Variants in HCFC2 observed in about 807,000 individuals in gnomAD.
The protein encoded by HCFC2 is host cell factor C2, also known as host cell factor 2.
HCFC2 carries 18 observed loss-of-function variants against 89.2 expected under a neutral mutation model. That is an observed-to-expected ratio of 0.20 (90% CI 0.14 to 0.30). The LOEUF is 0.30. HCFC2 is among the 10% of genes least tolerant of loss of function. HCFC2 has a pLI of 1.00. For synonymous variants in HCFC2, 308 were observed against 335.7 expected (o/e 0.92, Z 0.90); for missense variants, 578 against 956.1 (o/e 0.60, Z 5.21).
intron 11 of HCFC2, 59 bp from the exon 12 acceptor site, chr12:104,096,301 T>C: frequency 8.7e-7 from 1 of 1,143,804 alleles, no homozygotes; most frequent in South Asian, 1.7e-5. Context: ...TTAAAAATTA[T>C]ATTTTAATGT....
chr12:104,089,569 C>T (rs1187555166), intron 9 of HCFC2, among the ~76,000 whole-genome samples: 1 of 152,152 alleles, frequency 6.6e-6, no homozygotes, highest in African/African-American at 2.4e-5. Context: ...AGTTCAAACT[C>T]ATGTTGTTGA....
At chr12:104,087,381 A>G (rs1883885243) in intron 8 of HCFC2, among the ~76,000 whole-genome samples, 1 of 148,038 alleles carries the variant, frequency 6.8e-6, no homozygotes, top group Non-Finnish European at 1.5e-5. Flanking sequence ...TCACACACAC[A>G]CGCACACAAG....
At chr12:104,093,327 C>T in intron 9 of HCFC2, 59 bp from the exon 10 acceptor site, 1 of 1,175,096 alleles carries the variant, frequency 8.5e-7, no homozygotes, top group Non-Finnish European at 1.2e-6. Flanking sequence ...TTGTTTTTTA[C>T]ATGTATTTGT....
intron 3 of HCFC2, among the ~76,000 whole-genome samples, chr12:104,073,507 G>A (rs1281051122): frequency 2.0e-5 from 3 of 152,028 alleles, no homozygotes; most frequent in Non-Finnish European, 4.4e-5. Flanking sequence ...GTTTCATCAT[G>A]TTTGACAATA....
Position 104,082,858 on chromosome 12 carries a change from G to T in HCFC2, c.1020G>T (p.Leu340=). 1 of 1,611,212 alleles carries T rather than the reference G, an allele frequency of 6.2e-7. No individual in the cohort carries two copies. The highest frequency in any genetic ancestry group is 8.5e-7 in the Non-Finnish European group (1 of 1,179,204). ...GAAGAGATGGCTACAAAAAAGCACT[G>T]AATAGTCAAGTTTGCTGCAAGGATC... ...WSGRDGYKKA[L]NSQVCCKDLW... The change falls in exon 7 of 15, where the codon CTG becomes CTT. Residue 340 remains leucine (L), a synonymous_variant. Transcript: ENST00000229330.
chr12:104,087,911 C>A, intron 8 of HCFC2, 75 bp from the exon 9 acceptor site: 1 of 813,634 alleles, frequency 1.2e-6, no homozygotes, highest in Non-Finnish European at 1.8e-6. Context: ...TAATATGTAA[C>A]TTTAAAAATA....
In HCFC2 at chr12:104,068,198, T is replaced by C; in HGVS notation, c.473+91T>C. Reference sequence around the variant, plus strand: ...CATCTTTAATTTTTAAAAGGGATGATGCTTAGCTTTTTGCATTTCAACCTA... The same window carrying C: ...CATCTTTAATTTTTAAAAGGGATGACGCTTAGCTTTTTGCATTTCAACCTA... On this transcript the variant is annotated intron_variant, in intron 3 of 14. Coordinates refer to ENST00000229330, the MANE Select transcript of HCFC2 (RefSeq NM_013320.3). This position sits in a 1 kb window ranked among gnomAD's most constrained non-coding sequence, Gnocchi z 4.1. 8.7e-7 allele frequency: 1 copy of C among 1,147,336 alleles called. No individual in the cohort carries two copies. Among genetic ancestry groups the C allele is most frequent in the Non-Finnish European group, 1.2e-6 (1 of 835,160 alleles). The allele number at this position is 1,147,336 out of a possible 1,614,324, so 71.1% of individuals were successfully genotyped here.
chr12:104,090,900 TA>T (rs1884005225), intron 9 of HCFC2: 1 of 152,202 alleles, frequency 6.6e-6, no homozygotes, highest in Non-Finnish European at 1.5e-5. Context: ...GCTTGTTGCT[TA>T]GTAAACCTTA....
intron 9 of HCFC2, among the ~76,000 whole-genome samples, chr12:104,090,334 A>G (rs1883987965): frequency 6.6e-6 from 1 of 152,166 alleles, no homozygotes; most frequent in African/African-American, 2.4e-5. Flanking sequence ...GATCCTTTAT[A>G]TATGACCTAA....
In HCFC2 at chr12:104,066,181, T is replaced by C. The variant is rs757380116; in HGVS notation, c.178T>C (p.Phe60Leu). The C allele has an allele frequency of 6.2e-7, 1 of 1,613,020 alleles. No homozygotes were observed. The highest frequency in any genetic ancestry group is 8.5e-7 in the Non-Finnish European group (1 of 1,179,714). Residue 60 changes from phenylalanine to leucine, a missense_variant, in exon 2 of 15, where the codon TTT becomes CTT. Around this residue, in one of 4 missense-constraint regions of HCFC2, gnomAD observed 206 missense variants for 419.2 expected, o/e 0.49. Transcript: ENST00000229330. ...TTGGCAACTAGCTACGAATCAGTGG[T>C]TTCTGCCAGCTGTTAGAGGAGATAT... is the stretch of plus-strand genomic sequence containing the variant. Reference protein sequence around the residue: ...HVYNTATNQWFLPAVRGDIPP... With the variant: ...HVYNTATNQWLLPAVRGDIPP...
At position 104,068,033 on chromosome 12, in the gene HCFC2, T is replaced by A; in HGVS notation, c.399T>A (p.Ser133=). 6.2e-7 allele frequency: 1 copy of A among 1,606,552 alleles called. No individual in the cohort carries two copies. Among genetic ancestry groups the A allele is most frequent in the South Asian group, 1.1e-5 (1 of 89,624 alleles). ...GTCCTCGGCTTGGACATAGCTTCTC[T>A]TTATATGGTAACAAATGCTATTTGT... is the stretch of plus-strand genomic sequence containing the variant. ...PPCPRLGHSF[S]LYGNKCYLFG... Residue 133 remains serine (S), a synonymous_variant, in exon 3 of 15, where the codon TCT becomes TCA. Transcript: ENST00000229330. The surrounding 1 kb of genome is among the most constrained non-coding windows in gnomAD (Gnocchi z 4.1).
intron 3 of HCFC2, among the ~76,000 whole-genome samples, chr12:104,071,921 C>T (rs1883335714): frequency 6.6e-6 from 1 of 152,184 alleles, no homozygotes; most frequent in Admixed American, 6.6e-5. Flanking sequence ...TAGTGTTGGA[C>T]ATCTTTTCAT....
intron 13 of HCFC2, among the ~76,000 whole-genome samples, chr12:104,100,466 T>C (rs1307992050): frequency 6.6e-6 from 1 of 151,960 alleles, no homozygotes; most frequent in Admixed American, 6.6e-5. Flanking sequence ...TCCCAACTAC[T>C]TGGGAGGCTG....
In HCFC2 at chr12:104,095,479, A is replaced by G. The variant is rs1331738667; in HGVS notation, c.1582A>G (p.Thr528Ala). 2 of 1,613,792 alleles carry G rather than the reference A, an allele frequency of 1.2e-6. No individual in the cohort carries two copies. Among genetic ancestry groups the G allele is most frequent in the Admixed American group, 3.3e-5 (2 of 60,010 alleles). The change falls in exon 11 of 15, where the codon ACC (threonine) becomes GCC (alanine). Residue 528 changes from threonine to alanine, a missense_variant. By Grantham distance (58) the Thr-to-Ala change is moderately conservative. This residue lies in a region of HCFC2 where 210 missense variants were observed against 251.7 expected (regional missense o/e 0.83). Transcript: ENST00000229330. This position sits in a 1 kb window ranked among gnomAD's most constrained non-coding sequence, Gnocchi z 4.2. Reference protein sequence around the residue: ...SSTQTMVTQQTIKTESSSTNG... With the variant: ...SSTQTMVTQQAIKTESSSTNG... ...CACACAAACTATGGTAACCCAGCAG[A>G]CCATTAAAACTGAATCATCCAGTAC...
At chr12:104,097,655 A>G (rs1049175853) in intron 12 of HCFC2, 1 of 981,826 alleles carries the variant, frequency 1.0e-6, no homozygotes, top group Non-Finnish European at 1.2e-6. Flanking sequence ...GAGCTTCTGG[A>G]AACAGTGTCT....
At chr12:104,089,296 A>G (rs1430940304) in intron 9 of HCFC2, among the ~76,000 whole-genome samples, 1 of 152,158 alleles carries the variant, frequency 6.6e-6, no homozygotes, top group Non-Finnish European at 1.5e-5. Context: ...GCAGATCACG[A>G]GGTCAGAAGA....
At chr12:104,072,368 T>G (rs1357733057) in intron 3 of HCFC2, among the ~76,000 whole-genome samples, 1 of 135,736 alleles carries the variant, frequency 7.4e-6, no homozygotes, top group Admixed American at 7.4e-5. Context: ...CAAGACTGTT[T>G]AAAAAAAAAA....
Position 104,103,387 on chromosome 12 carries a change from G to T in HCFC2, c.*114G>T. The T allele has an allele frequency of 2.3e-6, 2 of 861,540 alleles. No individual in the cohort carries two copies. Among genetic ancestry groups the T allele is most frequent in the Middle Eastern group, 2.4e-4 (1 of 4,090 alleles). 53.4% of individuals were successfully genotyped at this position (861,540 alleles called of 1,614,324 possible). A position where few individuals can be genotyped will look rare whatever the true frequency, so the allele number is the denominator to read the frequency against. Reference sequence around the variant, plus strand: ...CTGTATTTCCAGCAGTTATGAACTTGAGTTTGTAAATTGTTCTTAAAATGT... The same window carrying T: ...CTGTATTTCCAGCAGTTATGAACTTTAGTTTGTAAATTGTTCTTAAAATGT... On this transcript the variant is annotated 3_prime_UTR_variant, in exon 15 of 15. Transcript: ENST00000229330.
chr12:104,067,374 G>A (rs1024385156), intron 2 of HCFC2, among the ~76,000 whole-genome samples: 9 of 152,154 alleles, frequency 5.9e-5, no homozygotes, highest in African/African-American at 2.2e-4. Flanking sequence ...CATAGCCCTT[G>A]TTGACTTTTC....
Sources: gnomAD v4.1 joint callset for allele counts (sites outside exome capture counted in the v4.1 genomes callset) on GRCh38, gnomAD v4.1.1 for gene constraint, gnomAD v4.1.1 regional missense constraint, Gnocchi (gnomAD v3.1) non-coding constraint, MANE v1.5 for transcripts, NCBI Gene and HGNC (gene_info 2026-07-23, HGNC 2026-07-21) for gene names.